LIN7A: variants seen among roughly 807,000 people sequenced by gnomAD.
The protein encoded by LIN7A is protein lin-7 homolog A.
Under a neutral mutation model 29.8 loss-of-function variants are expected in LIN7A, and 25 were observed. The ratio of observed to expected loss-of-function variants is 0.84; its 90% CI spans 0.61 to 1.17. The LOEUF is 1.17. LIN7A is among the 50% of genes most tolerant of loss of function. The probability of loss-of-function intolerance (pLI) is 0.00; values close to 1 mark genes in which losing one functional copy is unlikely to be tolerated. For missense variants in LIN7A, 239 were observed against 287.0 expected, an observed-to-expected ratio of 0.83 and a Z score of 1.21; for synonymous variants, 118 against 107.5, an observed-to-expected ratio of 1.10 and a Z score of -0.60.
At position 80,937,841 on chromosome 12, in the gene LIN7A, T is replaced by C. The variant is rs1013368644; in HGVS notation, c.-119A>G. The C allele has an allele frequency of 7.0e-6, 5 of 716,308 alleles. No homozygotes were observed. In the South Asian group the frequency reaches 7.5e-5, roughly 11 times the overall value. 44.4% of individuals were successfully genotyped at this position (716,308 alleles called of 1,614,324 possible). On this transcript the variant is annotated 5_prime_UTR_variant, in exon 1 of 6. Transcript: ENST00000552864. Reference sequence around the variant, plus strand: ...AGGTGGTGGTGGTGGAGAAGAAAGCTTGGGTGGGTTGGTAGCCAGATGGAG... The same window carrying C: ...AGGTGGTGGTGGTGGAGAAGAAAGCCTGGGTGGGTTGGTAGCCAGATGGAG...
At chr12:80,870,027 T>C (rs181295903) in intron 2 of LIN7A, among the ~76,000 whole-genome samples, 33 of 152,260 alleles carry the variant, frequency 2.2e-4, no homozygotes, top group African/African-American at 7.2e-4. Context: ...AAAGATATGG[T>C]ATATTTAACT....
chr12:80,929,913 T>TA (rs1877800267), intron 1 of LIN7A, among the ~76,000 whole-genome samples: 4 of 152,142 alleles, frequency 2.6e-5, no homozygotes, highest in African/African-American at 9.7e-5. Context: ...CTCAACTATA[T>TA]TCCCCAATTT....
chr12:80,868,184 C>G (rs773264789), intron 2 of LIN7A, among the ~76,000 whole-genome samples: 1 of 152,136 alleles, frequency 6.6e-6, no homozygotes, highest in Non-Finnish European at 1.5e-5. Context: ...GGCCATCTGC[C>G]TAGTACCAAG....
chr12:80,851,709 A>C (rs1565901662), intron 2 of LIN7A, among the ~76,000 whole-genome samples: 1 of 152,156 alleles, frequency 6.6e-6, no homozygotes, highest in Non-Finnish European at 1.5e-5. Context: ...TGGGGCTTAT[A>C]GACTCCTGAA....
chr12:80,936,526 C>A (rs1359333031), intron 1 of LIN7A: 5 of 152,230 alleles, frequency 3.3e-5, no homozygotes, highest in Non-Finnish European at 5.9e-5. Flanking sequence ...TCTGAGTACA[C>A]CATTTCCAAA....
At chr12:80,867,356 A>G (rs1039393802) in intron 2 of LIN7A, among the ~76,000 whole-genome samples, 2 of 152,156 alleles carry the variant, frequency 1.3e-5, no homozygotes, top group Admixed American at 6.5e-5. Flanking sequence ...GACAAGGGAA[A>G]TTAGACCATG....
At chr12:80,805,888 C>G (rs1565883185) in intron 5 of LIN7A, among the ~76,000 whole-genome samples, 2 of 151,550 alleles carry the variant, frequency 1.3e-5, no homozygotes, top group East Asian at 2.0e-4. Context: ...TGTGTTTATT[C>G]CTCATTTTTC....
intron 1 of LIN7A, among the ~76,000 whole-genome samples, chr12:80,925,802 A>G (rs1267188990): frequency 6.6e-6 from 1 of 152,374 alleles, no homozygotes; most frequent in South Asian, 2.1e-4. Flanking sequence ...CTTGAAGAAA[A>G]TAGTATTAAA....
At chr12:80,799,037 G>A (rs1358953391) in intron 5 of LIN7A, among the ~76,000 whole-genome samples, 1 of 152,048 alleles carries the variant, frequency 6.6e-6, no homozygotes, top group Admixed American at 6.6e-5. Flanking sequence ...TGGCCTAGAG[G>A]CTGAGTTCTT....
chr12:80,845,986 A>C, intron 3 of LIN7A, 47 bp from the exon 4 acceptor site: 1 of 1,513,896 alleles, frequency 6.6e-7, no homozygotes, highest in Middle Eastern at 2.2e-4. Context: ...AAATGAGGGA[A>C]ATAAAGGCTA....
chr12:80,825,105 A>G (rs1871998311), intron 4 of LIN7A, among the ~76,000 whole-genome samples: 1 of 152,164 alleles, frequency 6.6e-6, no homozygotes, highest in Non-Finnish European at 1.5e-5. Context: ...ATACCTAGAA[A>G]CCCTAAATGT....
At chr12:80,815,439 G>A (rs888306054) in intron 4 of LIN7A, among the ~76,000 whole-genome samples, 3 of 152,184 alleles carry the variant, frequency 2.0e-5, no homozygotes, top group Non-Finnish European at 4.4e-5. Flanking sequence ...TCTTGCTTTT[G>A]ACTTAGTCTG....
intron 1 of LIN7A, among the ~76,000 whole-genome samples, chr12:80,921,847 G>A (rs555174946): frequency 6.6e-6 from 1 of 152,302 alleles, no homozygotes; most frequent in South Asian, 2.1e-4. Context: ...TGTCTGCCTG[G>A]TCACAGAATA....
intron 1 of LIN7A, among the ~76,000 whole-genome samples, chr12:80,917,478 A>C (rs1207192755): frequency 6.6e-6 from 1 of 152,222 alleles, no homozygotes; most frequent in Non-Finnish European, 1.5e-5. Context: ...GCATCAGTTT[A>C]AATGAAAATG....
intron 4 of LIN7A, among the ~76,000 whole-genome samples, chr12:80,845,304 A>C (rs1873019880): frequency 6.6e-6 from 1 of 152,064 alleles, no homozygotes; most frequent in South Asian, 2.1e-4. Context: ...TTACATAAAC[A>C]TTAAAATTAC....
chr12:80,932,227 G>A (rs1018698737), intron 1 of LIN7A, among the ~76,000 whole-genome samples: 1 of 152,202 alleles, frequency 6.6e-6, no homozygotes, highest in Non-Finnish European at 1.5e-5. Context: ...GACAAGTGTG[G>A]CACCCATGGG....
chr12:80,797,840 G>A (rs1592839720), intron 5 of LIN7A, 114 bp from the exon 6 acceptor site: 1 of 152,500 alleles, frequency 6.6e-6, no homozygotes, highest in Middle Eastern at 3.4e-3. Context: ...GGATTATTTT[G>A]GGTGCTATCA....
Position 80,937,669 on chromosome 12 carries a change from T to C in LIN7A, c.54A>G (p.Thr18=), listed in dbSNP as rs1277211941. ...TGTCCAGGGTGAGCGGCTGGACCAC[T>C]GTCAATGTCGCCATGTCTGCCGTGG... is the stretch of plus-strand genomic sequence containing the variant. ...SAPTADMATL[T]VVQPLTLDRD... Residue 18 remains threonine, a synonymous_variant, in exon 1 of 6, where the codon ACA becomes ACG. Transcript: ENST00000552864. 6.4e-7 allele frequency: 1 copy of C among 1,569,920 alleles called. No homozygotes were observed. Among genetic ancestry groups the C allele is most frequent in the South Asian group, 1.2e-5 (1 of 86,390 alleles).
chr12:80,894,911 A>T (rs1169911502), intron 1 of LIN7A, among the ~76,000 whole-genome samples: 1 of 152,176 alleles, frequency 6.6e-6, no homozygotes, highest in African/African-American at 2.4e-5. Context: ...CAGAAAGATG[A>T]GTCATCTGGC....
Sources: gnomAD v4.1 joint callset for allele counts (sites outside exome capture counted in the v4.1 genomes callset) on GRCh38, gnomAD v4.1.1 for gene constraint, MANE v1.5 for transcripts, NCBI Gene and HGNC (gene_info 2026-07-23, HGNC 2026-07-21) for gene names.